IGF2BP2: variants seen among roughly 807,000 people sequenced by gnomAD.
The protein encoded by IGF2BP2 is insulin-like growth factor 2 mRNA-binding protein 2.
A neutral mutation model predicts 75.8 loss-of-function variants in IGF2BP2; 17 were observed. The ratio of observed to expected loss-of-function variants is 0.22; its 90% CI spans 0.15 to 0.34. The LOEUF (loss-of-function observed/expected upper bound fraction) is 0.34. IGF2BP2 is among the 10% of genes least tolerant of loss of function. The probability of loss-of-function intolerance (pLI) is 1.00; values close to 1 mark genes in which losing one functional copy is unlikely to be tolerated. For missense variants in IGF2BP2, 516 were observed against 772.4 expected (o/e 0.67, Z 3.93); for synonymous variants, 288 against 295.6 (o/e 0.97, Z 0.26).
Position 185,705,996 on chromosome 3 carries a change from A to G in IGF2BP2, c.240-7649T>C, listed in dbSNP as rs79217826. On this transcript the variant is annotated intron_variant, in intron 2 of 15. Coordinates refer to ENST00000382199, the MANE Select transcript of IGF2BP2 (RefSeq NM_006548.6). ...TCTCCCCACAGCCCTCTCAGAGCCT[A>G]CTAGCTCACAAAAAGACCTAACACA... Among the ~76,000 whole-genome samples, 663 of 152,362 alleles carry G rather than the reference A, an allele frequency of 4.4e-3. 7 individuals are homozygous for G. The highest frequency in any genetic ancestry group is 0.015 in the African/African-American group (626 of 41,582).
Position 185,707,587 on chromosome 3 carries a change from G to A in IGF2BP2, c.240-9240C>T, listed in dbSNP as rs536271564. 1.9e-3 allele frequency among the ~76,000 whole-genome samples: 285 copies of A among 152,052 alleles called. 2 individuals are homozygous for A. Among genetic ancestry groups the A allele is most frequent in the African/African-American group, 6.6e-3 (275 of 41,482 alleles). ...TTCCCAAAGTGCTGGGATTACAGGC[G>A]TGAGCCACCGAAGAGCCTACTTTTA... is the stretch of plus-strand genomic sequence containing the variant. On this transcript the variant is annotated intron_variant, in intron 2 of 15. Transcript: ENST00000382199.
In IGF2BP2 at chr3:185,650,099, T is replaced by C. The variant is rs574718237; in HGVS notation, c.1462-565A>G. Among the ~76,000 whole-genome samples, 105 of 151,580 alleles carry C rather than the reference T, an allele frequency of 6.9e-4. No homozygotes were observed. In the Middle Eastern group the frequency reaches 0.014, roughly 20 times the overall value. ...CTCATGTTTTCATTCTTTTTTTTTT[T>C]TTTTTTTAGAGATGAGGTCTATGTT... On this transcript the variant is annotated intron_variant, in intron 13 of 15. Transcript: ENST00000382199.
At chr3:185,798,073 C>G (rs1193845473) in intron 2 of IGF2BP2, among the ~76,000 whole-genome samples, 2 of 151,878 alleles carry the variant, frequency 1.3e-5, no homozygotes, top group African/African-American at 4.8e-5. Context: ...TGGTGGTGCC[C>G]ACCTGTAATC....
chr3:185,821,225 A>G (rs1741335584), intron 2 of IGF2BP2: 1 of 1,078,350 alleles, frequency 9.3e-7, no homozygotes, highest in Non-Finnish European at 1.3e-6. Context: ...ACTCCTCTAG[A>G]GCAGCAGCTT....
chr3:185,704,122 CACA>C (rs748872813), intron 2 of IGF2BP2, among the ~76,000 whole-genome samples: 1 of 152,116 alleles, frequency 6.6e-6, no homozygotes, highest in South Asian at 2.1e-4. Context: ...CATCTGTTTC[CACA>C]ACATTTCTGA....
In IGF2BP2 at chr3:185,745,695, C is replaced by T. The variant is rs1320206136; in HGVS notation, c.240-47348G>A. Among the ~76,000 whole-genome samples, 3 of 152,224 alleles carry T rather than the reference C, an allele frequency of 2.0e-5. No individual in the cohort carries two copies. In the South Asian group the frequency reaches 6.2e-4, roughly 31 times the overall value. On this transcript the variant is annotated intron_variant, in intron 2 of 15. Transcript: ENST00000382199. ...GAAGCAGGAAACCATAGAGAAGACA[C>T]TCACAAACAAAACACTGGCTGCTGC...
Position 185,672,682 on chromosome 3 carries a change from A to G in IGF2BP2, c.1072-13T>C. 6.2e-7 allele frequency: 1 copy of G among 1,614,020 alleles called. No homozygotes were observed. The highest frequency in any genetic ancestry group is 1.7e-4 in the Middle Eastern group (1 of 6,060). Reference sequence around the variant, plus strand: ...GATTGGCTTGTTGCTGGGAATAGAAATGGAGAAAAAAGATGAAGGGAGGAG... The same window carrying G: ...GATTGGCTTGTTGCTGGGAATAGAAGTGGAGAAAAAAGATGAAGGGAGGAG... On this transcript the variant is annotated splice_polypyrimidine_tract_variant and intron_variant, in intron 9 of 15. Coordinates refer to ENST00000382199, the MANE Select transcript of IGF2BP2 (RefSeq NM_006548.6).
At chr3:185,696,155 TAAGCCCTAGGAGTCTGC>T (rs1352633323) in intron 4 of IGF2BP2, among the ~76,000 whole-genome samples, 1 of 152,202 alleles carries the variant, frequency 6.6e-6, no homozygotes, top group Non-Finnish European at 1.5e-5. Context: ...AGGTCTACAG[TAAGCCCTAGGAGTCTGC>T]AATTCACAAG....
intron 10 of IGF2BP2, among the ~76,000 whole-genome samples, chr3:185,660,997 CA>C (rs916130312): frequency 1.8e-4 from 27 of 152,304 alleles, no homozygotes; most frequent in African/African-American, 5.5e-4. Context: ...TAAATACTAT[CA>C]AATTTAGACT....
chr3:185,722,887 G>C (rs753476769), intron 2 of IGF2BP2, among the ~76,000 whole-genome samples: 31 of 152,016 alleles, frequency 2.0e-4, no homozygotes, highest in African/African-American at 7.3e-4. Flanking sequence ...AATTATAATT[G>C]AGTTACAAGA....
intron 2 of IGF2BP2, among the ~76,000 whole-genome samples, chr3:185,741,215 G>C (rs941848332): frequency 6.6e-6 from 1 of 152,036 alleles, no homozygotes; most frequent in Non-Finnish European, 1.5e-5. Context: ...AAGGCACAAG[G>C]GTAAAATACT....
At chr3:185,732,143 C>T (rs1728279372) in intron 2 of IGF2BP2, among the ~76,000 whole-genome samples, 2 of 152,282 alleles carry the variant, frequency 1.3e-5, no homozygotes, top group South Asian at 4.1e-4. Flanking sequence ...CCCGGGAACC[C>T]TGTATATCCC....
At chr3:185,789,727 ATTTTTTTTTTT>A (rs10602691) in intron 2 of IGF2BP2, among the ~76,000 whole-genome samples, 17 of 111,594 alleles carry the variant, frequency 1.5e-4, no homozygotes, top group Admixed American at 8.2e-4. Flanking sequence ...ACAACCAGGA[ATTTTTTTTTTT>A]TTTTTTTTTT....
At position 185,727,297 on chromosome 3, in the gene IGF2BP2, C is replaced by T. The variant is rs182096771; in HGVS notation, c.240-28950G>A. 4.6e-5 allele frequency among the ~76,000 whole-genome samples: 7 copies of T among 151,770 alleles called. No homozygotes were observed. In the South Asian group the frequency reaches 1.0e-3, roughly 23 times the overall value. ...AGATCGTTAAGAACAGCAAGGGAGA[C>T]GCAGAGCCCTCCGGAAGGTTAGTCT... On this transcript the variant is annotated intron_variant, in intron 2 of 15. Transcript: ENST00000382199.
At chr3:185,740,037 G>A (rs930304001) in intron 2 of IGF2BP2, among the ~76,000 whole-genome samples, 1 of 151,880 alleles carries the variant, frequency 6.6e-6, no homozygotes, top group African/African-American at 2.4e-5. Context: ...TAGTACAGAC[G>A]GGGTTGTGCC....
chr3:185,680,759 C>A (rs1285042190), intron 7 of IGF2BP2, among the ~76,000 whole-genome samples: 1 of 151,942 alleles, frequency 6.6e-6, no homozygotes, highest in Non-Finnish European at 1.5e-5. Flanking sequence ...GGCTGGGAAA[C>A]GTAGTGAGAC....
In IGF2BP2 at chr3:185,718,410, G is replaced by A. The variant is rs1450011613; in HGVS notation, c.240-20063C>T. On this transcript the variant is annotated intron_variant, in intron 2 of 15. Transcript: ENST00000382199. ...CTCTATCAGAAAGCAAGTCAGGCTC[G>A]GGGGCGGTGGCTCGCGCCTGTAATT... Among the ~76,000 whole-genome samples the A allele has an allele frequency of 3.3e-5, 5 of 152,118 alleles. No individual in the cohort carries two copies. The South Asian group carries it at 6.2e-4, about 19-fold the overall frequency.
At chr3:185,654,186 G>A (rs911118614) in intron 12 of IGF2BP2, among the ~76,000 whole-genome samples, 1 of 152,156 alleles carries the variant, frequency 6.6e-6, no homozygotes, top group African/African-American at 2.4e-5. Flanking sequence ...AGACTCAGGT[G>A]ATCAACAGCT....
intron 2 of IGF2BP2, among the ~76,000 whole-genome samples, chr3:185,768,453 T>C (rs1396578305): frequency 6.6e-6 from 1 of 152,224 alleles, no homozygotes; most frequent in Non-Finnish European, 1.5e-5. Flanking sequence ...AAGAATATGA[T>C]AATGATAAAG....
Sources: allele counts gnomAD v4.1 joint callset (sites outside exome capture counted in the v4.1 genomes callset), GRCh38; gene constraint gnomAD v4.1.1; transcripts MANE v1.5; gene names NCBI Gene and HGNC (gene_info 2026-07-23, HGNC 2026-07-21).